DDX10: variants seen among roughly 807,000 people sequenced by gnomAD.
DDX10 encodes probable ATP-dependent RNA helicase DDX10.
In DDX10, 74 loss-of-function variants were observed where a neutral mutation model predicts 104.3. The observed-to-expected ratio is 0.71, with a 90% CI of 0.59 to 0.86. DDX10 has a LOEUF of 0.86. Ranked by LOEUF, DDX10 falls within the 40% of genes least tolerant of loss-of-function variation. DDX10 has a pLI of 0.00. For missense variants in DDX10, 952 were observed against 1,040.0 expected (o/e 0.92, Z 1.16); for synonymous variants, 351 against 353.4 (o/e 0.99, Z 0.08).
rs1461683693 is a variant in DDX10 at position 108,691,968 on chromosome 11, A to T, written c.1068A>T (p.Glu356Asp). 6.2e-7 allele frequency: 1 copy of T among 1,614,164 alleles called. No homozygotes were observed. The highest frequency in any genetic ancestry group is 1.3e-5 in the African/African-American group (1 of 75,044). ...HGRQQQMRRM[E>D]VYNEFVRKRA... ...GACAGCAGCAAATGAGAAGAATGGA[A>T]GTCTATAATGAGTTTGTCCGTAAGA... The change falls in exon 8 of 18, where the codon GAA becomes GAT. Residue 356 changes from glutamate to aspartate, a missense_variant. Glu to Asp is a conservative substitution (Grantham distance 45, BLOSUM62 2). This residue lies in a region of DDX10 where 412 missense variants were observed against 479.2 expected (regional missense o/e 0.86). Transcript: ENST00000322536.
chr11:108,911,342 C>T (rs975511278), intron 16 of DDX10, among the ~76,000 whole-genome samples: 1 of 152,112 alleles, frequency 6.6e-6, no homozygotes, highest in African/African-American at 2.4e-5. Context: ...GCTTGCAGTT[C>T]TAGAAGGTGG....
At chr11:108,724,921 A>G (rs1036466102) in intron 13 of DDX10, among the ~76,000 whole-genome samples, 2 of 152,054 alleles carry the variant, frequency 1.3e-5, no homozygotes, top group African/African-American at 4.8e-5. Context: ...TGGCAAATGT[A>G]TGGTGTTGTG....
At chr11:108,775,642 A>T (rs1490877031) in intron 13 of DDX10, among the ~76,000 whole-genome samples, 2 of 152,226 alleles carry the variant, frequency 1.3e-5, no homozygotes, top group Non-Finnish European at 2.9e-5. Context: ...TATAGCTATG[A>T]TATTAAAAAA....
At chr11:108,720,638 C>A (rs1019749602) in intron 12 of DDX10, among the ~76,000 whole-genome samples, 1 of 151,984 alleles carries the variant, frequency 6.6e-6, no homozygotes, top group African/African-American at 2.4e-5. Context: ...TCACCCAGGC[C>A]ATAGTGCAGT....
chr11:108,756,729 A>C (rs1038258905), intron 13 of DDX10, among the ~76,000 whole-genome samples: 5 of 152,050 alleles, frequency 3.3e-5, no homozygotes, highest in Non-Finnish European at 4.4e-5. Context: ...TAAAGCAAAT[A>C]AGGTAGTGTT....
chr11:108,682,602 C>G (rs2134443517), intron 6 of DDX10, among the ~76,000 whole-genome samples: 1 of 151,986 alleles, frequency 6.6e-6, no homozygotes, highest in East Asian at 1.9e-4. Flanking sequence ...TATTTGGGTC[C>G]CTTTACTTCT....
chr11:108,897,415 G>C (rs1229056148), intron 16 of DDX10, among the ~76,000 whole-genome samples: 1 of 152,038 alleles, frequency 6.6e-6, no homozygotes, highest in Non-Finnish European at 1.5e-5. Flanking sequence ...ATAACAAATG[G>C]GTACCCAAAA....
chr11:108,830,761 G>A (rs568679884), intron 13 of DDX10, among the ~76,000 whole-genome samples: 2 of 152,140 alleles, frequency 1.3e-5, no homozygotes, highest in African/African-American at 4.8e-5. Flanking sequence ...TCATCATAAA[G>A]GGGTGATGGA....
At chr11:108,694,103 A>T (rs1438875900) in intron 9 of DDX10, among the ~76,000 whole-genome samples, 1 of 152,170 alleles carries the variant, frequency 6.6e-6, no homozygotes, top group Non-Finnish European at 1.5e-5. Flanking sequence ...ATGGTGTGAC[A>T]TTTTATCAGG....
chr11:108,701,001 G>T (rs769477302), intron 9 of DDX10, among the ~76,000 whole-genome samples: 1 of 151,828 alleles, frequency 6.6e-6, no homozygotes, highest in Non-Finnish European at 1.5e-5. Flanking sequence ...AGCCAGCTTG[G>T]TTTCTCTCTA....
intron 13 of DDX10, among the ~76,000 whole-genome samples, chr11:108,741,463 G>T (rs980764195): frequency 6.6e-6 from 1 of 152,080 alleles, no homozygotes; most frequent in Admixed American, 6.6e-5. Context: ...ATTTGTTTGT[G>T]TCCTCTCTGA....
chr11:108,934,234 A>G (rs144950984), intron 17 of DDX10, among the ~76,000 whole-genome samples: 94 of 152,328 alleles, frequency 6.2e-4, no homozygotes, highest in African/African-American at 2.2e-3. Context: ...TTAAGGTTAT[A>G]AAAGAGAAGG....
At chr11:108,805,876 G>T (rs1010088756) in intron 13 of DDX10, among the ~76,000 whole-genome samples, 2 of 151,984 alleles carry the variant, frequency 1.3e-5, no homozygotes, top group African/African-American at 4.8e-5. Context: ...TTGATACTCA[G>T]ATATTTTTTG....
intron 13 of DDX10, among the ~76,000 whole-genome samples, chr11:108,826,077 T>C (rs1257280164): frequency 2.0e-5 from 3 of 152,214 alleles, no homozygotes; most frequent in African/African-American, 7.2e-5. Flanking sequence ...TGGGGTCTTA[T>C]AGTTTGAAAT....
intron 16 of DDX10, chr11:108,860,560 T>G (rs1862927370): frequency 6.6e-6 from 1 of 152,228 alleles, no homozygotes; most frequent in Non-Finnish European, 1.5e-5. Context: ...TTTTTCTTTT[T>G]TTTGTGAGAC....
chr11:108,698,474 C>CAT (rs2094262924), intron 9 of DDX10, among the ~76,000 whole-genome samples: 1 of 152,100 alleles, frequency 6.6e-6, no homozygotes, highest in Non-Finnish European at 1.5e-5. Flanking sequence ...TTAAAGGTTG[C>CAT]ATAAAAGGTC....
chr11:108,905,718 C>G (rs1863587496), intron 16 of DDX10, among the ~76,000 whole-genome samples: 1 of 152,072 alleles, frequency 6.6e-6, no homozygotes, highest in African/African-American at 2.4e-5. Context: ...TGAGATTCAT[C>G]CACTGTATTA....
rs760521052 is a variant in DDX10 at position 108,693,501 on chromosome 11, A to C, written c.1139-15A>C. ...CTTGCAACCAGTTTCTTAACTTCAC[A>C]TCCCTTCTCTGTAGATTTCCCGGCC... is the stretch of plus-strand genomic sequence containing the variant. On this transcript the variant is annotated splice_polypyrimidine_tract_variant and intron_variant, in intron 8 of 17. Transcript: ENST00000322536. 4.1e-5 allele frequency: 66 copies of C among 1,606,424 alleles called. 2 individuals are homozygous for C. In the South Asian group the frequency reaches 5.7e-4, roughly 14 times the overall value.
chr11:108,770,349 G>A (rs568010688), intron 13 of DDX10, among the ~76,000 whole-genome samples: 34 of 151,956 alleles, frequency 2.2e-4, no homozygotes, highest in Non-Finnish European at 4.1e-4. Context: ...ATTCACTATA[G>A]TCACCCTATT....
Sources: gnomAD v4.1 joint callset for allele counts (sites outside exome capture counted in the v4.1 genomes callset) on GRCh38, gnomAD v4.1.1 for gene constraint, gnomAD v4.1.1 regional missense constraint, MANE v1.5 for transcripts, NCBI Gene and HGNC (gene_info 2026-07-23, HGNC 2026-07-21) for gene names.